MEIS2: variants seen among roughly 807,000 people sequenced by gnomAD.
MEIS2 encodes the protein Meis homeobox 2.
Under a neutral mutation model 58.6 loss-of-function variants are expected in MEIS2, and 9 were observed. The observed-to-expected ratio is 0.15, with a 90% confidence interval of 0.09 to 0.27. The LOEUF (loss-of-function observed/expected upper bound fraction) is 0.27. Ranked by LOEUF, MEIS2 falls within the 10% of genes least tolerant of loss-of-function variation. The probability of loss-of-function intolerance (pLI) is 1.00; values close to 1 mark genes in which losing one functional copy is unlikely to be tolerated. For synonymous variants in MEIS2, 221 were observed against 228.4 expected (o/e 0.97, Z 0.29); for missense variants, 427 against 635.0 (o/e 0.67, Z 3.52).
intron 9 of MEIS2, among the ~76,000 whole-genome samples, chr15:36,916,371 G>A (rs1424390680): frequency 6.7e-6 from 1 of 149,812 alleles, no homozygotes; most frequent in Non-Finnish European, 1.5e-5. Flanking sequence ...AGCTTGCAGT[G>A]AGCTGAGACC....
intron 8 of MEIS2, among the ~76,000 whole-genome samples, chr15:37,001,926 A>G (rs1317085798): frequency 1.3e-5 from 2 of 152,198 alleles, no homozygotes; most frequent in Non-Finnish European, 2.9e-5. Flanking sequence ...CATCATCCGT[A>G]CTTTGTGAAA....
intron 8 of MEIS2, among the ~76,000 whole-genome samples, chr15:36,961,426 C>A (rs1292965630): frequency 6.6e-6 from 1 of 152,008 alleles, no homozygotes; most frequent in East Asian, 1.9e-4. Context: ...TGATTAAATA[C>A]TAAAATATCA....
intron 7 of MEIS2, among the ~76,000 whole-genome samples, chr15:37,067,627 A>T (rs1170933679): frequency 1.3e-5 from 2 of 151,886 alleles, no homozygotes; most frequent in African/African-American, 4.8e-5. Flanking sequence ...ATGGGACAGC[A>T]TTTGACTGAG....
chr15:37,037,474 A>ACCCT (rs907338707), intron 7 of MEIS2, among the ~76,000 whole-genome samples: 1 of 151,556 alleles, frequency 6.6e-6, no homozygotes, highest in Admixed American at 6.6e-5. Flanking sequence ...TTCTCATATG[A>ACCCT]CCCTGCACTC....
intron 1 of MEIS2, chr15:37,099,215 TCGCA>T: frequency 1.4e-6 from 2 of 1,418,960 alleles, no homozygotes; most frequent in Non-Finnish European, 1.8e-6. Flanking sequence ...GCCCGCCCGC[TCGCA>T]CAGCGCTGGA....
At chr15:36,980,970 T>C (rs1595862824) in intron 8 of MEIS2, among the ~76,000 whole-genome samples, 2 of 152,300 alleles carry the variant, frequency 1.3e-5, no homozygotes, top group East Asian at 3.9e-4. Context: ...TAGGCTACAT[T>C]AGCACATTTA....
At chr15:36,976,388 A>C (rs1567133339) in intron 8 of MEIS2, among the ~76,000 whole-genome samples, 1 of 151,610 alleles carries the variant, frequency 6.6e-6, no homozygotes. Flanking sequence ...CTGGCCTATA[A>C]AGAGATTTTT....
chr15:37,095,757 A>G, intron 3 of MEIS2, 143 bp from the exon 4 acceptor site: 1 of 1,191,350 alleles, frequency 8.4e-7, no homozygotes, highest in Non-Finnish European at 1.2e-6. Flanking sequence ...TGGTGCCTTA[A>G]ATTAGTGGAG....
At chr15:37,000,903 C>A (rs1370657546) in intron 8 of MEIS2, among the ~76,000 whole-genome samples, 1 of 152,192 alleles carries the variant, frequency 6.6e-6, no homozygotes, top group Non-Finnish European at 1.5e-5. Context: ...AAGTCCACTT[C>A]CGGACCCCCC....
intron 8 of MEIS2, among the ~76,000 whole-genome samples, chr15:36,967,813 C>T (rs181835622): frequency 2.6e-3 from 399 of 152,316 alleles, no homozygotes; most frequent in Non-Finnish European, 4.1e-3. Context: ...TTTCTATACA[C>T]TGTGTTTCCC....
intron 9 of MEIS2, among the ~76,000 whole-genome samples, chr15:36,920,299 G>A (rs750626862): frequency 1.3e-4 from 20 of 152,174 alleles, no homozygotes; most frequent in African/African-American, 4.3e-4. Flanking sequence ...ACAGGCATGC[G>A]CCACCACGCC....
At chr15:37,044,588 T>C (rs1342239051) in intron 7 of MEIS2, among the ~76,000 whole-genome samples, 1 of 152,206 alleles carries the variant, frequency 6.6e-6, no homozygotes, top group Non-Finnish European at 1.5e-5. Context: ...TTGAATGCCC[T>C]TTCTCTTCAT....
chr15:36,941,771 C>T (rs1354187081), intron 9 of MEIS2, among the ~76,000 whole-genome samples: 1 of 152,150 alleles, frequency 6.6e-6, no homozygotes, highest in Non-Finnish European at 1.5e-5. Flanking sequence ...TACTCTTAGT[C>T]AAGGAAGACC....
At chr15:36,904,782 A>G (rs1471264043) in intron 9 of MEIS2, among the ~76,000 whole-genome samples, 1 of 152,168 alleles carries the variant, frequency 6.6e-6, no homozygotes. Flanking sequence ...TGATTTCATT[A>G]CCACTGATTT....
intron 6 of MEIS2, among the ~76,000 whole-genome samples, chr15:37,092,908 T>C (rs2140086730): frequency 6.6e-6 from 1 of 152,066 alleles, no homozygotes; most frequent in African/African-American, 2.4e-5. Flanking sequence ...TAACCTATGG[T>C]TACTCAATCA....
chr15:37,060,813 T>C (rs1889107899), intron 7 of MEIS2, among the ~76,000 whole-genome samples: 1 of 152,184 alleles, frequency 6.6e-6, no homozygotes, highest in African/African-American at 2.4e-5. Flanking sequence ...CTAACAATTG[T>C]AGAGAATGGC....
intron 8 of MEIS2, among the ~76,000 whole-genome samples, chr15:36,993,234 T>C (rs1053892146): frequency 6.6e-6 from 1 of 152,168 alleles, no homozygotes; most frequent in South Asian, 2.1e-4. Context: ...AATTCTAGAA[T>C]CTTTTTCTAT....
intron 7 of MEIS2, among the ~76,000 whole-genome samples, chr15:37,041,295 T>G (rs924422820): frequency 6.6e-6 from 1 of 152,244 alleles, no homozygotes; most frequent in Non-Finnish European, 1.5e-5. Context: ...CAGGTGGGTC[T>G]GATGCCCACT....
chr15:37,075,711 C>T (rs780851440), intron 7 of MEIS2, among the ~76,000 whole-genome samples: 8 of 151,896 alleles, frequency 5.3e-5, no homozygotes, highest in Middle Eastern at 3.2e-3. Flanking sequence ...ATAATTACAA[C>T]GCAGTGTGAA....
Sources: allele counts gnomAD v4.1 joint callset (sites outside exome capture counted in the v4.1 genomes callset), GRCh38; gene constraint gnomAD v4.1.1; transcripts MANE v1.5; gene names NCBI Gene and HGNC (gene_info 2026-07-23, HGNC 2026-07-21).